Variants in HS6ST2 observed in about 807,000 individuals in gnomAD.
HS6ST2 encodes the protein heparan-sulfate 6-O-sulfotransferase 2.
Under a neutral mutation model 33.0 loss-of-function variants are expected in HS6ST2, and 17 were observed. The observed-to-expected ratio is 0.52, with a 90% CI of 0.35 to 0.77. HS6ST2 has a LOEUF of 0.77. Ranked by LOEUF, HS6ST2 falls within the 30% of genes least tolerant of loss-of-function variation. HS6ST2 has a pLI of 0.01. For synonymous variants in HS6ST2, 248 were observed against 237.1 expected (o/e 1.05, Z -0.42); for missense variants, 519 against 551.7 (o/e 0.94, Z 0.59).
intron 4 of HS6ST2, among the ~76,000 whole-genome samples, chrX:132,665,306 GAGA>G (rs2063801256): frequency 9.0e-6 from 1 of 111,653 alleles, no homozygotes; most frequent in Non-Finnish European, 1.9e-5. Flanking sequence ...TGCTCTCTGG[GAGA>G]AGAACTGTAG....
At chrX:132,848,683 A>G (rs2065774630) in intron 2 of HS6ST2, among the ~76,000 whole-genome samples, 1 of 111,991 alleles carries the variant, frequency 8.9e-6, no homozygotes, top group Admixed American at 9.5e-5. Flanking sequence ...AATTCTATGC[A>G]TACTCCAAGA....
intron 2 of HS6ST2, among the ~76,000 whole-genome samples, chrX:132,923,815 G>C (rs1040336901): frequency 3.6e-5 from 4 of 110,405 alleles, no homozygotes; most frequent in African/African-American, 1.3e-4. Context: ...TACACCACAG[G>C]CCCGCTCCAT....
At chrX:132,779,688 G>T (rs1383299042) in intron 2 of HS6ST2, among the ~76,000 whole-genome samples, 1 of 109,010 alleles carries the variant, frequency 9.2e-6, no homozygotes, top group African/African-American at 3.5e-5. Context: ...GCCACGTCCA[G>T]AACACATAAT....
intron 2 of HS6ST2, among the ~76,000 whole-genome samples, chrX:132,929,959 T>C (rs1864467342): frequency 9.0e-6 from 1 of 110,953 alleles, no homozygotes; most frequent in Non-Finnish European, 1.9e-5. Context: ...CAGACGGAGA[T>C]TGAAAAAGGG....
intron 2 of HS6ST2, among the ~76,000 whole-genome samples, chrX:132,951,929 T>G (rs1274614804): frequency 8.9e-6 from 1 of 112,478 alleles, no homozygotes; most frequent in African/African-American, 3.2e-5. Flanking sequence ...TAAATTGTTC[T>G]GTTCTACCAT....
chrX:132,805,182 G>C (rs1416320559), intron 2 of HS6ST2, among the ~76,000 whole-genome samples: 1 of 111,468 alleles, frequency 9.0e-6, no homozygotes, highest in African/African-American at 3.3e-5. Context: ...GGTGACCTTG[G>C]AGTGTCAATT....
intron 2 of HS6ST2, among the ~76,000 whole-genome samples, chrX:132,810,181 G>A (rs1208482078): frequency 1.8e-5 from 2 of 111,479 alleles, no homozygotes; most frequent in Admixed American, 1.9e-4. Flanking sequence ...CGAGGTGGGA[G>A]GATTGCTTGA....
chrX:132,792,651 C>T (rs2065128050), intron 2 of HS6ST2, among the ~76,000 whole-genome samples: 1 of 111,481 alleles, frequency 9.0e-6, no homozygotes, highest in Admixed American at 9.6e-5. Flanking sequence ...TAACTATTAT[C>T]TACCAATCTC....
At chrX:132,910,836 G>A (rs2066524774) in intron 2 of HS6ST2, among the ~76,000 whole-genome samples, 1 of 111,626 alleles carries the variant, frequency 9.0e-6, no homozygotes, top group African/African-American at 3.3e-5. Context: ...TAGGAATCCT[G>A]CAGCATGACA....
At chrX:132,828,991 T>C (rs921621455) in intron 2 of HS6ST2, among the ~76,000 whole-genome samples, 8 of 103,474 alleles carry the variant, frequency 7.7e-5, no homozygotes, top group Non-Finnish European at 1.2e-4. Context: ...TTACAATGTT[T>C]TCATTTTTAA....
chrX:132,746,162 C>T (rs2064639309), intron 2 of HS6ST2, among the ~76,000 whole-genome samples: 1 of 111,128 alleles, frequency 9.0e-6, no homozygotes, highest in Admixed American at 9.6e-5. Flanking sequence ...TACTCCAAGG[C>T]CAGAGAATGA....
At chrX:132,703,492 A>G (rs971398721) in intron 3 of HS6ST2, among the ~76,000 whole-genome samples, 1 of 112,432 alleles carries the variant, frequency 8.9e-6, no homozygotes, top group Non-Finnish European at 1.9e-5. Flanking sequence ...AAGGTAGAGA[A>G]TGGGACCATT....
intron 3 of HS6ST2, among the ~76,000 whole-genome samples, chrX:132,706,204 A>G (rs907740784): frequency 1.8e-5 from 2 of 111,767 alleles, no homozygotes; most frequent in African/African-American, 6.5e-5. Context: ...TGGACTTTCT[A>G]TGATTCTTAT....
intron 2 of HS6ST2, among the ~76,000 whole-genome samples, chrX:132,787,167 G>GTGTGTA (rs1405731624): frequency 1.9e-5 from 1 of 51,391 alleles, no homozygotes; most frequent in Non-Finnish European, 3.3e-5. Context: ...ATATATATAT[G>GTGTGTA]TATATATATA....
intron 2 of HS6ST2, among the ~76,000 whole-genome samples, chrX:132,831,896 C>T (rs1388456023): frequency 8.9e-6 from 1 of 112,018 alleles, no homozygotes; most frequent in East Asian, 2.8e-4. Flanking sequence ...TAAATATGAT[C>T]GCTTTGCACA....
At chrX:132,845,826 G>T (rs749933754) in intron 2 of HS6ST2, among the ~76,000 whole-genome samples, 1 of 111,304 alleles carries the variant, frequency 9.0e-6, no homozygotes, top group African/African-American at 3.3e-5. Context: ...CATCAAATAC[G>T]TTATTCATAA....
chrX:132,679,928 T>A (rs979919445), intron 3 of HS6ST2, among the ~76,000 whole-genome samples: 1 of 109,738 alleles, frequency 9.1e-6, no homozygotes, highest in Non-Finnish European at 1.9e-5. Flanking sequence ...TCTCTCTTGT[T>A]TCCTAAACAT....
chrX:132,659,928 A>G (rs1006644277), intron 4 of HS6ST2, among the ~76,000 whole-genome samples: 5 of 112,219 alleles, frequency 4.5e-5, no homozygotes, highest in Non-Finnish European at 7.5e-5. Context: ...CTGTATGTAA[A>G]GAACTATTCC....
intron 4 of HS6ST2, among the ~76,000 whole-genome samples, chrX:132,630,826 T>C (rs770123291): frequency 9.1e-6 from 1 of 110,450 alleles, no homozygotes; most frequent in Non-Finnish European, 1.9e-5. Flanking sequence ...GCTCCCGTAA[T>C]CCTAGCTACT....
Sources: allele counts gnomAD v4.1 joint callset (sites outside exome capture counted in the v4.1 genomes callset), GRCh38; gene constraint gnomAD v4.1.1; transcripts MANE v1.5; gene names NCBI Gene and HGNC (gene_info 2026-07-23, HGNC 2026-07-21).